SEC23IP: variants seen among roughly 807,000 people sequenced by gnomAD.
SEC23IP encodes the protein SEC23-interacting protein.
SEC23IP carries 70 observed loss-of-function variants against 113.4 expected under a neutral mutation model. That is an observed-to-expected ratio of 0.62 (90% CI 0.51 to 0.75). SEC23IP has a LOEUF of 0.75. SEC23IP is among the 30% of genes least tolerant of loss of function. SEC23IP has a pLI of 0.00. For synonymous variants in SEC23IP, 398 were observed against 421.0 expected (o/e 0.95, Z 0.67); for missense variants, 1,160 against 1,204.9 (o/e 0.96, Z 0.55).
In SEC23IP at chr10:119,941,529, A is replaced by G. The variant is rs1230682577; in HGVS notation, c.*964A>G. ...CAAATTCAGATCACTTTGTTTTACT[A>G]TAAATTCAGATTATCCAAATATTTT... On this transcript the variant is annotated 3_prime_UTR_variant, in exon 19 of 19. Transcript: ENST00000369075. 6.6e-6 allele frequency: 1 copy of G among 152,534 alleles called. No homozygotes were observed. The highest frequency in any genetic ancestry group is 1.5e-5 in the Non-Finnish European group (1 of 68,042). The allele number at this position is 152,534 out of a possible 1,614,324, so 9.4% of individuals were successfully genotyped here.
chr10:119,911,850 G>T (rs1187010376), intron 5 of SEC23IP, among the ~76,000 whole-genome samples, 194 bp from the exon 6 acceptor site: 3 of 152,164 alleles, frequency 2.0e-5, no homozygotes, highest in Non-Finnish European at 4.4e-5. Flanking sequence ...CATTGGAAAG[G>T]TATCGATTTG....
At chr10:119,897,052 C>T (rs554201437) in intron 1 of SEC23IP, among the ~76,000 whole-genome samples, 4 of 152,324 alleles carry the variant, frequency 2.6e-5, no homozygotes, top group African/African-American at 9.6e-5. Flanking sequence ...CTAGTCTCAG[C>T]AGAGGTCAAG....
chr10:119,924,081 C>T (rs570570759), intron 12 of SEC23IP, among the ~76,000 whole-genome samples: 16 of 152,214 alleles, frequency 1.1e-4, no homozygotes, highest in African/African-American at 3.9e-4. Flanking sequence ...GTGTTGCCTC[C>T]GAAGGGCAGA....
rs1362370658 is a variant in SEC23IP at position 119,932,254 on chromosome 10, G to C, written c.2694G>C (p.Leu898Phe). Residue 898 changes from leucine (L) to phenylalanine (F), a missense_variant, in exon 16 of 19, where the codon TTG becomes TTC. Coordinates refer to ENST00000369075, the MANE Select transcript of SEC23IP (RefSeq NM_007190.4). ...GTGCTCATACGTCTTCAACCCAGTTGCAAGAAGAATTGGAGAAGGTGGCCA... is the reference window on the plus strand; with the variant it reads ...GTGCTCATACGTCTTCAACCCAGTTCCAAGAAGAATTGGAGAAGGTGGCCA... The part of the protein sequence containing the change: ...FARAHTSSTQ[L>F]QEELEKVANQ... The C allele has an allele frequency of 6.2e-7, 1 of 1,613,954 alleles. No individual in the cohort carries two copies. The highest frequency in any genetic ancestry group is 8.5e-7 in the Non-Finnish European group (1 of 1,179,932).
Position 119,892,949 on chromosome 10 carries a change from A to G in SEC23IP, c.163+4A>G. On this transcript the variant is annotated splice_donor_region_variant and intron_variant, in intron 1 of 18. Coordinates refer to ENST00000369075, the MANE Select transcript of SEC23IP (RefSeq NM_007190.4). ...GCCTCCCTGCTCTTACCGGGAGGTAATAAGGGGAGGGCGGCCCCGTGTGTG... is the reference window on the plus strand; with the variant it reads ...GCCTCCCTGCTCTTACCGGGAGGTAGTAAGGGGAGGGCGGCCCCGTGTGTG... The G allele has an allele frequency of 1.2e-6, 2 of 1,610,704 alleles. No individual in the cohort carries two copies. Among genetic ancestry groups the G allele is most frequent in the Non-Finnish European group, 1.7e-6 (2 of 1,178,270 alleles).
At chr10:119,914,444 T>G in intron 6 of SEC23IP, 1 of 391,602 alleles carries the variant, frequency 2.6e-6, no homozygotes, top group Non-Finnish European at 4.7e-6. Context: ...CATCACAAGG[T>G]TGTGGAGCCT....
chr10:119,925,771 G>A (rs1315410702), intron 12 of SEC23IP, among the ~76,000 whole-genome samples: 2 of 152,052 alleles, frequency 1.3e-5, no homozygotes, highest in African/African-American at 4.8e-5. Context: ...TGAACTCCTG[G>A]TCTCGAGCTA....
At position 119,943,289 on chromosome 10, in the gene SEC23IP, T is replaced by C. The variant is rs1035909400; in HGVS notation, c.*2724T>C. ...GGTCCTCAGAGGAGAGTGGATAGAATTCAGTTCCTCTATGAGCTGGGGTGC... is the reference window on the plus strand; with the variant it reads ...GGTCCTCAGAGGAGAGTGGATAGAACTCAGTTCCTCTATGAGCTGGGGTGC... On this transcript the variant is annotated 3_prime_UTR_variant, in exon 19 of 19. Transcript: ENST00000369075. The C allele has an allele frequency of 6.6e-6, 1 of 152,214 alleles. No homozygotes were observed. The highest frequency in any genetic ancestry group is 2.4e-5 in the African/African-American group (1 of 41,446). The allele number at this position is 152,214 out of a possible 1,614,324, so 9.4% of individuals were successfully genotyped here.
At chr10:119,938,217 A>C (rs907344294) in intron 18 of SEC23IP, among the ~76,000 whole-genome samples, 4 of 151,766 alleles carry the variant, frequency 2.6e-5, no homozygotes, top group Non-Finnish European at 5.9e-5. Context: ...TCTGCTGGTC[A>C]CTGGGGGAGG....
intron 13 of SEC23IP, among the ~76,000 whole-genome samples, chr10:119,929,335 G>C (rs1471938891): frequency 3.3e-5 from 5 of 152,132 alleles, no homozygotes; most frequent in Non-Finnish European, 7.4e-5. Flanking sequence ...CCGGGTTCAA[G>C]CGATTCTTCT....
chr10:119,925,979 T>C (rs1279685803), intron 12 of SEC23IP, 57 bp from the exon 13 acceptor site: 2 of 1,408,742 alleles, frequency 1.4e-6, no homozygotes, highest in African/African-American at 1.4e-5. Flanking sequence ...TTTGTAATGA[T>C]AGCTGAGAGC....
Position 119,937,391 on chromosome 10 carries a change from C to T in SEC23IP, c.*21-3195C>T, listed in dbSNP as rs551125787. On this transcript the variant is annotated intron_variant, in intron 18 of 18. Coordinates refer to ENST00000369075, the MANE Select transcript of SEC23IP (RefSeq NM_007190.4). ...CTGTAATCCCAGCACTTTGGCAGGC[C>T]GAGGTGGACGGATCACCTGAGGTCA... 2.1e-3 allele frequency among the ~76,000 whole-genome samples: 313 copies of T among 151,726 alleles called. 2 individuals carry two copies. The highest frequency in any genetic ancestry group is 7.3e-3 in the African/African-American group (301 of 41,422).
chr10:119,928,525 C>T (rs1855492915), intron 13 of SEC23IP, among the ~76,000 whole-genome samples: 1 of 152,198 alleles, frequency 6.6e-6, no homozygotes, highest in South Asian at 2.1e-4. Flanking sequence ...GTCAGCACTC[C>T]ATCACTCACT....
Position 119,929,710 on chromosome 10 carries a change from A to G in SEC23IP, c.2417A>G (p.Asp806Gly). 1 of 1,601,352 alleles carries G rather than the reference A, an allele frequency of 6.2e-7. No homozygotes were observed. Among genetic ancestry groups the G allele is most frequent in the Non-Finnish European group, 8.6e-7 (1 of 1,168,280 alleles). ...ACTATTCGAGGAGTTGATAGGATAGATGAGAATTACAGCCTTCCTACCTGT... is the reference window on the plus strand; with the variant it reads ...ACTATTCGAGGAGTTGATAGGATAGGTGAGAATTACAGCCTTCCTACCTGT... ...FLTIRGVDRI[D>G]ENYSLPTCKG... is the part of the protein sequence containing the mutation. The change falls in exon 14 of 19, where the codon GAT becomes GGT. Residue 806 changes from aspartate to glycine, a missense_variant. Asp to Gly is a moderately conservative substitution (Grantham distance 94). Transcript: ENST00000369075.
chr10:119,904,277 G>A lies in SEC23IP; in HGVS notation c.1101G>A (p.Glu367=). The A allele has an allele frequency of 1.2e-6, 2 of 1,613,634 alleles. No homozygotes were observed. Among genetic ancestry groups the A allele is most frequent in the Non-Finnish European group, 1.7e-6 (2 of 1,179,590 alleles). ...PYTEEFSEKL[E]AEYKKAVTTN... is the part of the protein sequence containing the mutation. ...CTGAGGAGTTCAGTGAAAAACTAGA[G>A]GTACGGGTGCTTTATTTCTTTATGA... Residue 367 remains glutamate (E), a splice_region_variant and synonymous_variant, in exon 4 of 19, where the codon GAG becomes GAA. Coordinates refer to ENST00000369075, the MANE Select transcript of SEC23IP (RefSeq NM_007190.4).
intron 12 of SEC23IP, among the ~76,000 whole-genome samples, chr10:119,924,209 G>A (rs1855344133): frequency 6.6e-6 from 1 of 152,174 alleles, no homozygotes. Flanking sequence ...ATTTCCTGGT[G>A]TTTGGAATTA....
intron 13 of SEC23IP, among the ~76,000 whole-genome samples, chr10:119,928,359 A>G (rs1855487681): frequency 1.3e-5 from 2 of 152,150 alleles, no homozygotes; most frequent in African/African-American, 4.8e-5. Context: ...ATTGTTCTTT[A>G]ACTTTCTTTT....
intron 12 of SEC23IP, among the ~76,000 whole-genome samples, chr10:119,924,499 A>C (rs2134510246): frequency 6.6e-6 from 1 of 151,220 alleles, no homozygotes; most frequent in East Asian, 2.0e-4. Flanking sequence ...GACTCACTGC[A>C]ACCTCCGCCT....
intron 8 of SEC23IP, among the ~76,000 whole-genome samples, chr10:119,916,701 A>G (rs1343070978): frequency 6.6e-6 from 1 of 152,024 alleles, no homozygotes; most frequent in Non-Finnish European, 1.5e-5. Context: ...TTGACCCACA[A>G]GTTTTGTCAG....
Sources: allele counts gnomAD v4.1 joint callset (sites outside exome capture counted in the v4.1 genomes callset), GRCh38; gene constraint gnomAD v4.1.1; transcripts MANE v1.5; gene names NCBI Gene and HGNC (gene_info 2026-07-23, HGNC 2026-07-21).